RIPOR3: variants seen among roughly 807,000 people sequenced by gnomAD.
RIPOR3 encodes the protein RIPOR family member 3, also known as family with sequence similarity 65 member C.
Under a neutral mutation model 114.3 loss-of-function variants are expected in RIPOR3, and 95 were observed. The observed-to-expected ratio is 0.83, with a 90% CI of 0.70 to 0.99. RIPOR3 has a LOEUF of 0.99. Ranked by LOEUF, RIPOR3 falls within the 50% of genes least tolerant of loss-of-function variation. RIPOR3 has a pLI of 0.00. For synonymous variants in RIPOR3, 575 were observed against 543.8 expected, an observed-to-expected ratio of 1.06 and a Z score of -0.80; for missense variants, 1,252 against 1,266.9, an observed-to-expected ratio of 0.99 and a Z score of 0.18.
In RIPOR3 at chr20:50,609,664, C is replaced by T; in HGVS notation, c.485G>A (p.Ser162Asn). The change falls in exon 7 of 22, where the codon AGC (serine) becomes AAC (asparagine). Residue 162 changes from serine (S) to asparagine (N), a missense_variant. Transcript: ENST00000327979. ...GCACCGGGCGAAGGCCCGCTGCATG[C>T]TGGAGGCGCCGTCGCGCAGGCGGCA... is the stretch of plus-strand genomic sequence containing the variant. ...IQCRLRDGAS[S>N]MQRAFARCPP... is the part of the protein sequence containing the mutation. 1 of 1,394,642 alleles carries T rather than the reference C, an allele frequency of 7.2e-7. No homozygotes were observed. Among genetic ancestry groups the T allele is most frequent in the East Asian group, 2.9e-5 (1 of 35,052 alleles). 86.4% of individuals were successfully genotyped at this position (1,394,642 alleles called of 1,614,324 possible).
chr20:50,688,461 A>G (rs6067512), intron 1 of RIPOR3, among the ~76,000 whole-genome samples: 102,207 of 152,134 alleles, frequency 0.67, 35,593 homozygotes, highest in Non-Finnish European at 0.75. Flanking sequence ...AGCCTTGACT[A>G]CCTTTGTTTT....
At chr20:50,654,433 T>G (rs1291774529) in intron 1 of RIPOR3, among the ~76,000 whole-genome samples, 13 of 131,860 alleles carry the variant, frequency 9.9e-5, no homozygotes, top group African/African-American at 2.9e-4. Flanking sequence ...TTTTTTTTTT[T>G]TTTTTTTTTT....
chr20:50,609,500 A>G, intron 7 of RIPOR3, 73 bp downstream of exon 7: 1 of 1,444,182 alleles, frequency 6.9e-7, no homozygotes, highest in Non-Finnish European at 9.1e-7. Context: ...CCACTGGCCC[A>G]GCTCTCGATG....
chr20:50,626,013 G>T (rs1011285775), intron 2 of RIPOR3, among the ~76,000 whole-genome samples: 8 of 152,220 alleles, frequency 5.3e-5, no homozygotes, highest in Admixed American at 5.2e-4. Context: ...GAAGAGAAGG[G>T]GCATCAGCCC....
chr20:50,593,763 C>T (rs913401754), intron 17 of RIPOR3, among the ~76,000 whole-genome samples: 22 of 152,104 alleles, frequency 1.4e-4, no homozygotes, highest in African/African-American at 5.1e-4. Flanking sequence ...GAGGCAGGGC[C>T]TGGGAATATG....
chr20:50,608,605 A>C lies in RIPOR3; in HGVS notation c.810+8T>G. The stretch of plus-strand genomic sequence containing the variant: ...CACCCCAGCCCTGCCCCCGGGCCCC[A>C]TCCCCACCTTGATGTCCAGGTTCTC... On this transcript the variant is annotated splice_region_variant and intron_variant, in intron 10 of 21. Transcript: ENST00000327979. The C allele has an allele frequency of 6.2e-7, 1 of 1,613,874 alleles. No individual in the cohort carries two copies. Among genetic ancestry groups the C allele is most frequent in the South Asian group, 1.1e-5 (1 of 91,078 alleles).
At chr20:50,685,222 ATTT>A (rs35813074) in intron 1 of RIPOR3, among the ~76,000 whole-genome samples, 1 of 128,030 alleles carries the variant, frequency 7.8e-6, no homozygotes. Flanking sequence ...ATGGGATAGA[ATTT>A]TTTTTTTTTT....
rs1450336758 is a variant in RIPOR3, at chr20:50,587,847, G to A, written c.2707C>T (p.Leu903=). The A allele has an allele frequency of 6.2e-7, 1 of 1,614,176 alleles. No individual in the cohort carries two copies. ...DQTASLCQSD[L]EAVRAAARET... Reference sequence around the variant, plus strand: ...CGGGCTGCCGCCCGCACGGCCTCCAGGTCAGACTGGCACAGGCTGGCAGTC... The same window carrying A: ...CGGGCTGCCGCCCGCACGGCCTCCAAGTCAGACTGGCACAGGCTGGCAGTC... Residue 903 remains leucine, a synonymous_variant, in exon 21 of 22, where the codon CTG becomes TTG. Coordinates refer to ENST00000327979, the MANE Select transcript of RIPOR3 (RefSeq NM_001290268.2).
Position 50,609,287 on chromosome 20 carries a change from T to G in RIPOR3, c.640+6A>C. ...GCCTCCGCCCACCCCCTCTCAGCCCTGTTACCTTTCATCCTGATGTGGAAC... is the reference window on the plus strand; with the variant it reads ...GCCTCCGCCCACCCCCTCTCAGCCCGGTTACCTTTCATCCTGATGTGGAAC... On this transcript the variant is annotated splice_donor_region_variant and intron_variant, in intron 8 of 21. Coordinates refer to ENST00000327979, the MANE Select transcript of RIPOR3 (RefSeq NM_001290268.2). 1 of 1,613,784 alleles carries G rather than the reference T, an allele frequency of 6.2e-7. No individual in the cohort carries two copies. Among genetic ancestry groups the G allele is most frequent in the Non-Finnish European group, 8.5e-7 (1 of 1,179,772 alleles).
At chr20:50,685,552 G>C (rs1253287631) in intron 1 of RIPOR3, among the ~76,000 whole-genome samples, 2 of 151,486 alleles carry the variant, frequency 1.3e-5, no homozygotes, top group South Asian at 4.2e-4. Flanking sequence ...GGCTGGGCAC[G>C]GTGGCCCACA....
At chr20:50,666,781 T>G (rs1187354747) in intron 1 of RIPOR3, among the ~76,000 whole-genome samples, 1 of 151,302 alleles carries the variant, frequency 6.6e-6, no homozygotes, top group Non-Finnish European at 1.5e-5. Context: ...GGCTGGTCTC[T>G]AACTCCTGGC....
At chr20:50,676,797 G>A (rs1196366374) in intron 1 of RIPOR3, among the ~76,000 whole-genome samples, 1 of 145,430 alleles carries the variant, frequency 6.9e-6, no homozygotes, top group Non-Finnish European at 1.5e-5. Context: ...TTTTAGTAGA[G>A]GTCTTGCTTA....
intron 1 of RIPOR3, among the ~76,000 whole-genome samples, chr20:50,631,954 T>A (rs1006262090): frequency 2.0e-5 from 3 of 152,124 alleles, no homozygotes; most frequent in Non-Finnish European, 2.9e-5. Context: ...AGACAAAACC[T>A]ACGAAAAAGC....
chr20:50,589,854 C>G, intron 19 of RIPOR3, 85 bp from the exon 20 acceptor site: 1 of 1,184,460 alleles, frequency 8.4e-7, no homozygotes. Flanking sequence ...CAGGTGCCGA[C>G]AGTAAGGCAC....
intron 16 of RIPOR3, chr20:50,595,090 A>G (rs561534490): frequency 5.8e-6 from 3 of 512,860 alleles, no homozygotes; most frequent in South Asian, 5.2e-5. Flanking sequence ...AACCCCGTGC[A>G]GTGCCCTCCT....
chr20:50,595,652 A>G, intron 15 of RIPOR3, 148 bp from the exon 16 acceptor site: 1 of 1,215,436 alleles, frequency 8.2e-7, no homozygotes, highest in Non-Finnish European at 1.1e-6. Context: ...CCTTTCACCA[A>G]GGTGGCTGAG....
At chr20:50,619,889 T>G in intron 3 of RIPOR3, 97 bp downstream of exon 3, 1 of 1,465,320 alleles carries the variant, frequency 6.8e-7, no homozygotes, top group Non-Finnish European at 9.3e-7. Context: ...TGTCACCTCT[T>G]GTAGACAAGA....
At position 50,592,564 on chromosome 20, in the gene RIPOR3, G is replaced by A. The variant is rs2083147226; in HGVS notation, c.2375-18C>T. ...GAGTGTCACTAGAAGACAGGAAAGA[G>A]GTGGGCCCAGGTCCCCTGAATGGGA... On this transcript the variant is annotated intron_variant, in intron 18 of 21. Coordinates refer to ENST00000327979, the MANE Select transcript of RIPOR3 (RefSeq NM_001290268.2). The A allele has an allele frequency of 1.4e-5, 21 of 1,481,280 alleles. No homozygotes were observed. The highest frequency in any genetic ancestry group is 1.7e-5 in the Non-Finnish European group (19 of 1,115,186). The allele number at this position is 1,481,280 out of a possible 1,614,324, so 91.8% of individuals were successfully genotyped here.
intron 15 of RIPOR3, among the ~76,000 whole-genome samples, chr20:50,595,784 G>A (rs952407513): frequency 2.0e-5 from 3 of 152,210 alleles, no homozygotes; most frequent in Admixed American, 1.3e-4. Context: ...AGTCCTGATA[G>A]CATTTGAACC....
Sources: allele counts gnomAD v4.1 joint callset (sites outside exome capture counted in the v4.1 genomes callset), GRCh38; gene constraint gnomAD v4.1.1; transcripts MANE v1.5; gene names NCBI Gene and HGNC (gene_info 2026-07-23, HGNC 2026-07-21).